SLC43A1: variants seen among roughly 807,000 people sequenced by gnomAD.
SLC43A1 encodes the protein large neutral amino acids transporter small subunit 3.
SLC43A1 carries 31 observed loss-of-function variants against 59.5 expected under a neutral mutation model. That is an observed-to-expected ratio of 0.52 (90% CI 0.39 to 0.70). SLC43A1 has a LOEUF of 0.70. SLC43A1 is among the 30% of genes least tolerant of loss of function. The pLI is 0.00. For missense variants in SLC43A1, 598 were observed against 717.8 expected (o/e 0.83, Z 1.91); for synonymous variants, 259 against 290.9 (o/e 0.89, Z 1.12).
chr11:57,505,379 G>T (rs1382862030), intron 2 of SLC43A1, among the ~76,000 whole-genome samples: 6 of 152,056 alleles, frequency 3.9e-5, no homozygotes, highest in Non-Finnish European at 7.4e-5. Context: ...GGGTGTAGTG[G>T]TGGGTGCCTG....
rs574350442 is a variant in SLC43A1, at chr11:57,510,693, TA to T, written c.154+3264del. ...AAAATTAAAAAATTAAAATTAAATTTAAAAAAATGTAAAGGAGGCCAGGCAC... is the reference window on the plus strand; with the variant it reads ...AAAATTAAAAAATTAAAATTAAATTTAAAAAATGTAAAGGAGGCCAGGCAC... On this transcript the variant is annotated intron_variant, in intron 2 of 14. Coordinates refer to ENST00000278426, the MANE Select transcript of SLC43A1 (RefSeq NM_003627.6). Among the ~76,000 whole-genome samples the T allele has an allele frequency of 7.4e-4, 112 of 151,220 alleles. 1 individual carries two copies. The South Asian group carries it at 0.021, about 28-fold the overall frequency.
At chr11:57,507,870 G>A (rs185792732) in intron 2 of SLC43A1, among the ~76,000 whole-genome samples, 124 of 152,310 alleles carry the variant, frequency 8.1e-4, no homozygotes, top group African/African-American at 2.1e-3. Flanking sequence ...AATCCCATCC[G>A]TAGTCTGAAA....
At chr11:57,490,112 G>A (rs1306419500) in intron 11 of SLC43A1, among the ~76,000 whole-genome samples, 1 of 152,154 alleles carries the variant, frequency 6.6e-6, no homozygotes, top group Admixed American at 6.5e-5. Context: ...ATCCTCTTAG[G>A]ATAAACAGGG....
At position 57,497,882 on chromosome 11, in the gene SLC43A1, C is replaced by T. The variant is rs374222722; in HGVS notation, c.466-37G>A. Reference sequence around the variant, plus strand: ...AAGCAGCACCCATGAGGTGGGGACACCGTGACCCTTGCCCAGCATTCCCAG... The same window carrying T: ...AAGCAGCACCCATGAGGTGGGGACATCGTGACCCTTGCCCAGCATTCCCAG... On this transcript the variant is annotated intron_variant, in intron 5 of 14. Coordinates refer to ENST00000278426, the MANE Select transcript of SLC43A1 (RefSeq NM_003627.6). 7.2e-6 allele frequency: 11 copies of T among 1,533,444 alleles called. No homozygotes were observed. In the African/African-American group the frequency reaches 8.2e-5, roughly 11 times the overall value. The allele number at this position is 1,533,444 out of a possible 1,614,324, so 95.0% of individuals were successfully genotyped here. A position where few individuals can be genotyped will look rare whatever the true frequency, so the allele number is the denominator to read the frequency against.
intron 14 of SLC43A1, among the ~76,000 whole-genome samples, chr11:57,485,914 C>T (rs923912303): frequency 6.6e-6 from 1 of 152,212 alleles, no homozygotes; most frequent in Non-Finnish European, 1.5e-5. Flanking sequence ...GGAGGGTTTA[C>T]GTGTGGGTGG....
chr11:57,492,586 C>T (rs1218151882), intron 8 of SLC43A1, among the ~76,000 whole-genome samples: 2 of 126,738 alleles, frequency 1.6e-5, no homozygotes, highest in Non-Finnish European at 1.6e-5. Flanking sequence ...AAAAATAAGC[C>T]AGGCATGGTT....
chr11:57,502,423 A>G (rs1944290632), intron 2 of SLC43A1, among the ~76,000 whole-genome samples: 1 of 152,240 alleles, frequency 6.6e-6, no homozygotes, highest in South Asian at 2.1e-4. Flanking sequence ...AGCTTTGCAC[A>G]GTGCCTGGCC....
At chr11:57,491,557 G>T (rs985661196) in intron 10 of SLC43A1, 34 bp downstream of exon 10, 3 of 1,613,456 alleles carry the variant, frequency 1.9e-6, no homozygotes, top group Non-Finnish European at 2.5e-6. Context: ...CAGTGGGGTG[G>T]GCGTGAGCCA....
At chr11:57,513,935 A>AAC in intron 2 of SLC43A1, 23 bp downstream of exon 2, 1 of 464,068 alleles carries the variant, frequency 2.2e-6, no homozygotes. Flanking sequence ...CCCCCAGCCC[A>AAC]CCCAGCCCAT....
intron 5 of SLC43A1, among the ~76,000 whole-genome samples, chr11:57,498,834 C>A (rs1344358324): frequency 6.6e-6 from 1 of 152,164 alleles, no homozygotes; most frequent in African/African-American, 2.4e-5. Flanking sequence ...CACTCACCTG[C>A]CTCAGCCAAG....
At chr11:57,506,809 T>A (rs1241216227) in intron 2 of SLC43A1, among the ~76,000 whole-genome samples, 3 of 152,212 alleles carry the variant, frequency 2.0e-5, no homozygotes, top group African/African-American at 7.2e-5. Context: ...TATCACAGAT[T>A]TGTAGTGAGG....
intron 2 of SLC43A1, among the ~76,000 whole-genome samples, chr11:57,504,257 G>A (rs749041685): frequency 1.3e-5 from 2 of 152,134 alleles, no homozygotes; most frequent in South Asian, 4.1e-4. Context: ...CTGAGTGGAG[G>A]CCATCCCCTT....
intron 13 of SLC43A1, 138 bp from the exon 14 acceptor site, chr11:57,487,356 C>T: frequency 9.4e-7 from 1 of 1,058,642 alleles, no homozygotes; most frequent in Non-Finnish European, 1.3e-6. Flanking sequence ...TGCATGGGCT[C>T]TTTGGTCCCC....
chr11:57,500,933 G>A (rs546785763), intron 4 of SLC43A1, 55 bp downstream of exon 4: 85 of 1,597,266 alleles, frequency 5.3e-5, no homozygotes, highest in Admixed American at 8.7e-5. Context: ...GTAAACATCC[G>A]CCTTCATCCC....
intron 2 of SLC43A1, among the ~76,000 whole-genome samples, chr11:57,513,249 C>A (rs1456805993): frequency 1.3e-5 from 2 of 152,242 alleles, no homozygotes; most frequent in Non-Finnish European, 2.9e-5. Flanking sequence ...GAGCCCAATT[C>A]CATTTCCACC....
chr11:57,503,766 C>A (rs1335946614), intron 2 of SLC43A1, among the ~76,000 whole-genome samples: 3 of 152,180 alleles, frequency 2.0e-5, no homozygotes, highest in African/African-American at 7.2e-5. Flanking sequence ...ACACCGGTGA[C>A]CAGCAGTTGC....
chr11:57,497,974 T>C (rs1192894035), intron 5 of SLC43A1, 129 bp from the exon 6 acceptor site: 5 of 643,806 alleles, frequency 7.8e-6, no homozygotes, highest in Non-Finnish European at 1.3e-5. Flanking sequence ...AACAGAAAAA[T>C]CAATGTGGGA....
At chr11:57,494,571 G>A (rs1428606519) in intron 7 of SLC43A1, 1 of 216,150 alleles carries the variant, frequency 4.6e-6, no homozygotes, top group Non-Finnish European at 9.1e-6. Context: ...TCATACAGCT[G>A]TTTGAGGATG....
intron 13 of SLC43A1, among the ~76,000 whole-genome samples, chr11:57,487,447 G>A (rs556926255): frequency 6.6e-6 from 1 of 152,270 alleles, no homozygotes; most frequent in Admixed American, 6.5e-5. Context: ...TTGGCAAGTG[G>A]CTCAAACTCC....
Sources: allele counts gnomAD v4.1 joint callset (sites outside exome capture counted in the v4.1 genomes callset), GRCh38; gene constraint gnomAD v4.1.1; transcripts MANE v1.5; gene names NCBI Gene and HGNC (gene_info 2026-07-23, HGNC 2026-07-21).